Variants in NEMF observed in about 807,000 individuals in gnomAD.
The protein encoded by NEMF is ribosome quality control complex subunit NEMF.
In NEMF, 89 loss-of-function variants were observed where a neutral mutation model predicts 162.2. That is an observed-to-expected ratio of 0.55 (90% CI 0.46 to 0.65). The LOEUF is 0.65. NEMF is among the 30% of genes least tolerant of loss of function. NEMF has a pLI of 0.00. For missense variants in NEMF, 1,133 were observed against 1,261.9 expected (o/e 0.90, Z 1.55); for synonymous variants, 421 against 404.5 (o/e 1.04, Z -0.49).
chr14:49,800,470 T>C lies in NEMF; in HGVS notation c.2322A>G (p.Thr774=), dbSNP rs763648832. ...CAATGGTAGTATCAGGATAATTTAA[T>C]GTCTCTTCCCCTTCATCCTTCATTT... is the stretch of plus-strand genomic sequence containing the variant. The part of the protein sequence containing the change: ...VGEMKDEGEE[T]LNYPDTTIDL... Residue 774 remains threonine, a synonymous_variant, in exon 23 of 33, where the codon ACA becomes ACG. Transcript: ENST00000298310. 4.3e-6 allele frequency: 7 copies of C among 1,613,712 alleles called. No homozygotes were observed. The highest frequency in any genetic ancestry group is 5.9e-6 in the Non-Finnish European group (7 of 1,179,768).
chr14:49,805,503 G>A (rs111382564), intron 19 of NEMF, among the ~76,000 whole-genome samples: 11 of 147,084 alleles, frequency 7.5e-5, no homozygotes, highest in Non-Finnish European at 9.0e-5. Flanking sequence ...TCTCTATAAA[G>A]AAAAAAAAAA....
chr14:49,802,075 A>T (rs1890981394), intron 22 of NEMF, among the ~76,000 whole-genome samples: 1 of 151,310 alleles, frequency 6.6e-6, no homozygotes, highest in Non-Finnish European at 1.5e-5. Flanking sequence ...CTCCTACCTC[A>T]GCCTCTTCAG....
At chr14:49,828,145 T>C in intron 15 of NEMF, 146 bp downstream of exon 15, 5 of 675,006 alleles carry the variant, frequency 7.4e-6, no homozygotes, top group Middle Eastern at 3.9e-4. Flanking sequence ...GGGGAAAAAA[T>C]ACTGGAAATA....
rs1294638285 is a variant in NEMF at position 49,782,736 on chromosome 14, G to T, written c.*1900C>A. 6.2e-6 allele frequency: 9 copies of T among 1,460,328 alleles called. No individual in the cohort carries two copies. Among genetic ancestry groups the T allele is most frequent in the Non-Finnish European group, 8.4e-6 (9 of 1,073,570 alleles). The allele number at this position is 1,460,328 out of a possible 1,614,324, so 90.5% of individuals were successfully genotyped here. A position where few individuals can be genotyped will look rare whatever the true frequency, so the allele number is the denominator to read the frequency against. Reference sequence around the variant, plus strand: ...ACCAGTTCCTATGAAAATCTTTGAAGAAAGAAAGAGGGATGTTTTATGTAG... The same window carrying T: ...ACCAGTTCCTATGAAAATCTTTGAATAAAGAAAGAGGGATGTTTTATGTAG... On this transcript the variant is annotated 3_prime_UTR_variant, in exon 33 of 33. Transcript: ENST00000298310.
chr14:49,783,027 G>A lies in NEMF; in HGVS notation c.*1609C>T. 2 of 1,484,588 alleles carry A rather than the reference G, an allele frequency of 1.3e-6. No individual in the cohort carries two copies. Among genetic ancestry groups the A allele is most frequent in the Non-Finnish European group, 1.8e-6 (2 of 1,089,186 alleles). 92.0% of individuals were successfully genotyped at this position (1,484,588 alleles called of 1,614,324 possible). A position where few individuals can be genotyped will look rare whatever the true frequency, so the allele number is the denominator to read the frequency against. The stretch of plus-strand genomic sequence containing the variant: ...TAAACATCACAGAGTGGCATCATTT[G>A]TATAATTATATGCATTGTTGTAGTT... On this transcript the variant is annotated 3_prime_UTR_variant, in exon 33 of 33. Coordinates refer to ENST00000298310, the MANE Select transcript of NEMF (RefSeq NM_004713.6).
rs754736812 is a variant in NEMF at position 49,782,910 on chromosome 14, G to GTGTT, written c.*1722_*1725dup. On this transcript the variant is annotated 3_prime_UTR_variant, in exon 33 of 33. Transcript: ENST00000298310. The stretch of plus-strand genomic sequence containing the variant: ...TGCCTTCCAAAACACTTACTTCACA[G>GTGTT]TGTTAATCAGAGGTTTGGTAGTAAC... 4.7e-5 allele frequency: 76 copies of GTGTT among 1,613,764 alleles called. No homozygotes were observed. The highest frequency in any genetic ancestry group is 6.2e-5 in the Non-Finnish European group (73 of 1,179,790).
At chr14:49,830,034 G>A (rs920199395) in intron 11 of NEMF, among the ~76,000 whole-genome samples, 6 of 152,334 alleles carry the variant, frequency 3.9e-5, no homozygotes, top group African/African-American at 1.4e-4. Flanking sequence ...AAAGGCTCAT[G>A]GTAGTTATTT....
intron 16 of NEMF, among the ~76,000 whole-genome samples, chr14:49,818,016 CAG>C (rs1480810031): frequency 6.6e-6 from 1 of 150,636 alleles, no homozygotes; most frequent in East Asian, 1.9e-4. Context: ...TCAAACAAAA[CAG>C]AGAGGGAGAA....
chr14:49,799,320 T>C (rs1421674496), intron 25 of NEMF, among the ~76,000 whole-genome samples, 155 bp downstream of exon 25: 2 of 150,864 alleles, frequency 1.3e-5, no homozygotes, highest in African/African-American at 2.4e-5. Context: ...AAAAATGTAT[T>C]AGAGCTTAAT....
Position 49,851,601 on chromosome 14 carries a change from A to G in NEMF, c.193T>C (p.Trp65Arg). The G allele has an allele frequency of 1.2e-6, 2 of 1,613,912 alleles. No homozygotes were observed. The highest frequency in any genetic ancestry group is 1.7e-6 in the Non-Finnish European group (2 of 1,179,864). The change falls in exon 3 of 33, where the codon TGG becomes CGG. Residue 65 changes from tryptophan to arginine, a missense_variant. Transcript: ENST00000298310. ...CTAGACGGCATCATATTCTTAGGCC[A>G]CTCAAATTCTGTTGTATGAATTCGT... The part of the protein sequence containing the change: ...GIRIHTTEFE[W>R]PKNMMPSSFA...
chr14:49,829,844 A>G (rs1892552733), intron 11 of NEMF, among the ~76,000 whole-genome samples: 1 of 152,098 alleles, frequency 6.6e-6, no homozygotes, highest in South Asian at 2.1e-4. Flanking sequence ...TCTGAGCTCA[A>G]TCCTCCCACC....
intron 5 of NEMF, among the ~76,000 whole-genome samples, chr14:49,838,563 C>T (rs946994570): frequency 2.0e-5 from 3 of 150,514 alleles, no homozygotes; most frequent in African/African-American, 4.9e-5. Context: ...AATTAAGCAT[C>T]GAACAACTTT....
Position 49,831,296 on chromosome 14 carries a change from T to C in NEMF, c.945+3A>G, listed in dbSNP as rs191597420. 51 of 1,513,120 alleles carry C rather than the reference T, an allele frequency of 3.4e-5. No individual in the cohort carries two copies. In the East Asian group the frequency reaches 9.4e-4, roughly 28 times the overall value. The allele number at this position is 1,513,120 out of a possible 1,614,324, so 93.7% of individuals were successfully genotyped here. A position where few individuals can be genotyped will look rare whatever the true frequency, so the allele number is the denominator to read the frequency against. The stretch of plus-strand genomic sequence containing the variant: ...TTTAATATGTGTTTTTAATAATACA[T>C]ACCTGTTGTAAAGCTTTTAAGTCAA... On this transcript the variant is annotated splice_donor_region_variant and intron_variant, in intron 11 of 32. Coordinates refer to ENST00000298310, the MANE Select transcript of NEMF (RefSeq NM_004713.6).
At chr14:49,821,001 C>CCTACTGGGA (rs1293465200) in intron 16 of NEMF, among the ~76,000 whole-genome samples, 13 of 15,580 alleles carry the variant, frequency 8.3e-4, no homozygotes, top group Admixed American at 1.4e-3. Context: ...CCCGGCCGCC[C>CCTACTGGGA]ATCATCTGAG....
At position 49,838,525 on chromosome 14, in the gene NEMF, A is replaced by G. The variant is rs111250088; in HGVS notation, c.507-319T>C. On this transcript the variant is annotated intron_variant, in intron 5 of 32. Transcript: ENST00000298310. ...TTAAATGTTTGTAAATTTTCATGCC[A>G]TATCTTAATATCCAAAATGGTTTAC... Among the ~76,000 whole-genome samples the G allele has an allele frequency of 1.9e-4, 29 of 151,900 alleles. No individual in the cohort carries two copies. In the South Asian group the frequency reaches 4.8e-3, roughly 25 times the overall value.
chr14:49,816,361 T>C (rs1342750458), intron 16 of NEMF, among the ~76,000 whole-genome samples: 2 of 152,222 alleles, frequency 1.3e-5, no homozygotes, highest in Non-Finnish European at 2.9e-5. Context: ...TGGACCCTTA[T>C]CAGGAGTTTC....
Position 49,832,232 on chromosome 14 carries a change from C to G in NEMF, c.781G>C (p.Asp261His), listed in dbSNP as rs1892676486. 3.7e-6 allele frequency: 6 copies of G among 1,610,988 alleles called. No homozygotes were observed. In the East Asian group the frequency reaches 1.3e-4, roughly 36 times the overall value. The part of the protein sequence containing the change: ...KREIKPSLEA[D>H]KPVEDILTYE... ...GTCAGTATGTCTTCAACTGGTTTAT[C>G]TGCTTCCAAGCTTGGTTTTATTTCT... The change falls in exon 9 of 33, where the codon GAT (aspartate) becomes CAT (histidine). Residue 261 changes from aspartate to histidine, a missense_variant. Physicochemically the swap from Asp to His is moderately conservative, Grantham distance 81. This residue lies in a region of NEMF where 582 missense variants were observed against 631.5 expected (regional missense o/e 0.92). Coordinates refer to ENST00000298310, the MANE Select transcript of NEMF (RefSeq NM_004713.6).
At chr14:49,827,844 T>C (rs1372860173) in intron 15 of NEMF, among the ~76,000 whole-genome samples, 1 of 149,682 alleles carries the variant, frequency 6.7e-6, no homozygotes, top group Non-Finnish European at 1.5e-5. Flanking sequence ...ATGGCTGCTA[T>C]GTGGAGAACA....
chr14:49,848,031 CAAAAAA>C (rs76205967), intron 3 of NEMF, among the ~76,000 whole-genome samples: 1 of 79,400 alleles, frequency 1.3e-5, no homozygotes. Flanking sequence ...GACTCTGTCT[CAAAAAA>C]AAAAAAAAAA....
Sources: allele counts gnomAD v4.1 joint callset (sites outside exome capture counted in the v4.1 genomes callset), GRCh38; gene constraint gnomAD v4.1.1; regional missense constraint gnomAD v4.1.1; transcripts MANE v1.5; gene names NCBI Gene and HGNC (gene_info 2026-07-23, HGNC 2026-07-21).